CNTN5: variants seen among roughly 807,000 people sequenced by gnomAD.
CNTN5 encodes contactin 5.
A neutral mutation model predicts 129.1 loss-of-function variants in CNTN5; 77 were observed. The observed-to-expected ratio is 0.60, with a 90% confidence interval of 0.50 to 0.72. The LOEUF (loss-of-function observed/expected upper bound fraction) is 0.72, where lower values mean the gene tolerates loss of function less well. Ranked by LOEUF, CNTN5 falls within the 30% of genes least tolerant of loss-of-function variation. The pLI is 0.00. For synonymous variants in CNTN5, 509 were observed against 465.6 expected, an observed-to-expected ratio of 1.09 and a Z score of -1.20; for missense variants, 1,478 against 1,328.8, an observed-to-expected ratio of 1.11 and a Z score of -1.75.
At position 99,845,143 on chromosome 11, in the gene CNTN5, T is replaced by C. The variant is rs1485606879; in HGVS notation, c.458T>C (p.Ile153Thr). The change falls in exon 6 of 25, where the codon ATA becomes ACA. Residue 153 changes from isoleucine to threonine, a missense_variant. By Grantham distance (89) the Ile-to-Thr change is moderately conservative. Coordinates refer to ENST00000524871, the MANE Select transcript of CNTN5 (RefSeq NM_014361.4). ...DLESDYRYSLIDGTFIISNPS... is the reference protein window; with the variant it reads ...DLESDYRYSLTDGTFIISNPS... Reference sequence around the variant, plus strand: ...GAAAGTGATTATCGCTACAGTTTGATAGATGGCACCTTCATTATAAGCAAT... The same window carrying C: ...GAAAGTGATTATCGCTACAGTTTGACAGATGGCACCTTCATTATAAGCAAT... 9.3e-6 allele frequency: 15 copies of C among 1,613,816 alleles called. No individual in the cohort carries two copies. Among genetic ancestry groups the C allele is most frequent in the Admixed American group, 6.7e-5 (4 of 60,012 alleles).
intron 3 of CNTN5, among the ~76,000 whole-genome samples, chr11:99,809,745 G>C (rs192242854): frequency 6.6e-6 from 1 of 152,222 alleles, no homozygotes; most frequent in African/African-American, 2.4e-5. Context: ...AAAATTGGGA[G>C]GAAATACATT....
intron 1 of CNTN5, among the ~76,000 whole-genome samples, chr11:99,197,792 T>C (rs1241681726): frequency 6.6e-6 from 1 of 152,120 alleles, no homozygotes; most frequent in Non-Finnish European, 1.5e-5. Context: ...AACTATTGGA[T>C]AATATTAGGT....
chr11:99,599,976 C>G (rs1242777768), intron 3 of CNTN5, among the ~76,000 whole-genome samples: 2 of 152,024 alleles, frequency 1.3e-5, no homozygotes, highest in Non-Finnish European at 2.9e-5. Context: ...AAAAACCTTT[C>G]CTGATGACGG....
chr11:100,332,335 G>T (rs138506440), intron 21 of CNTN5, among the ~76,000 whole-genome samples: 1 of 151,728 alleles, frequency 6.6e-6, no homozygotes, highest in African/African-American at 2.4e-5. Flanking sequence ...GATTAAAATG[G>T]TTATTTAAAA....
At chr11:99,724,026 A>G (rs1022208624) in intron 3 of CNTN5, among the ~76,000 whole-genome samples, 2 of 152,244 alleles carry the variant, frequency 1.3e-5, no homozygotes, top group East Asian at 3.9e-4. Flanking sequence ...GTCTCAGAAT[A>G]TCTTCCCAGG....
chr11:99,387,974 C>T (rs1221201084), intron 2 of CNTN5, among the ~76,000 whole-genome samples: 1 of 152,028 alleles, frequency 6.6e-6, no homozygotes, highest in African/African-American at 2.4e-5. Flanking sequence ...TTTTTTAAGC[C>T]TCCAGTTGAT....
chr11:99,940,549 G>A (rs928705054), intron 7 of CNTN5, among the ~76,000 whole-genome samples: 4 of 152,022 alleles, frequency 2.6e-5, no homozygotes, highest in Non-Finnish European at 4.4e-5. Flanking sequence ...GTATTACAAC[G>A]ACATCAACAT....
chr11:99,436,076 A>G (rs1370562343), intron 2 of CNTN5, among the ~76,000 whole-genome samples: 2 of 152,136 alleles, frequency 1.3e-5, no homozygotes, highest in East Asian at 3.8e-4. Context: ...TCATATTACA[A>G]CGCTACCAAA....
chr11:99,853,519 C>T (rs539808827), intron 6 of CNTN5, among the ~76,000 whole-genome samples: 1 of 152,164 alleles, frequency 6.6e-6, no homozygotes, highest in African/African-American at 2.4e-5. Context: ...CCTGCCTCAG[C>T]CTCCTGAGTA....
intron 7 of CNTN5, among the ~76,000 whole-genome samples, chr11:99,953,522 A>G (rs748219266): frequency 6.6e-6 from 1 of 152,224 alleles, no homozygotes. Context: ...AACAAATAAG[A>G]ACTAAAATCC....
intron 23 of CNTN5, among the ~76,000 whole-genome samples, chr11:100,350,216 G>C (rs530893825): frequency 6.6e-6 from 1 of 151,838 alleles, no homozygotes; most frequent in African/African-American, 2.4e-5. Context: ...ATTTGAAGAT[G>C]AGCTTTCCAA....
At chr11:99,568,507 T>C (rs1204708178) in intron 3 of CNTN5, among the ~76,000 whole-genome samples, 1 of 152,200 alleles carries the variant, frequency 6.6e-6, no homozygotes, top group Non-Finnish European at 1.5e-5. Flanking sequence ...ATTTGAATAA[T>C]TTGTGAGCAA....
chr11:99,056,159 A>T lies in CNTN5; in HGVS notation c.-210+34889A>T, dbSNP rs11218242. Reference sequence around the variant, plus strand: ...ATTTTTTATATTATACTTTATTTCAAACTATAAACTTATTCACTGGTAAGC... The same window carrying T: ...ATTTTTTATATTATACTTTATTTCATACTATAAACTTATTCACTGGTAAGC... On this transcript the variant is annotated intron_variant, in intron 1 of 24. Coordinates refer to ENST00000524871, the MANE Select transcript of CNTN5 (RefSeq NM_014361.4). Among the ~76,000 whole-genome samples the T allele has an allele frequency of 0.014, 2,081 of 151,922 alleles. 156 individuals are homozygous for T. In the East Asian group the frequency reaches 0.23, roughly 17 times the overall value.
At chr11:99,834,690 C>T (rs549259956) in intron 4 of CNTN5, among the ~76,000 whole-genome samples, 184 of 152,254 alleles carry the variant, frequency 1.2e-3, no homozygotes, top group African/African-American at 3.8e-3. Context: ...TTGAGAACTG[C>T]TAGATGGATG....
At chr11:99,320,403 C>G (rs542612563) in intron 1 of CNTN5, among the ~76,000 whole-genome samples, 103 of 152,158 alleles carry the variant, frequency 6.8e-4, no homozygotes, top group African/African-American at 2.4e-3. Flanking sequence ...TTCCTAGTGT[C>G]AGTTTTACAC....
intron 7 of CNTN5, among the ~76,000 whole-genome samples, chr11:99,952,421 A>C (rs770851733): frequency 2.0e-5 from 3 of 152,236 alleles, no homozygotes; most frequent in Non-Finnish European, 2.9e-5. Flanking sequence ...GTAAATATTA[A>C]AATGCTCCTG....
intron 13 of CNTN5, among the ~76,000 whole-genome samples, chr11:100,139,279 G>A (rs533380000): frequency 4.6e-5 from 7 of 152,092 alleles, no homozygotes; most frequent in Admixed American, 2.0e-4. Context: ...GAAAGAAATT[G>A]TAGAAGTACC....
chr11:99,656,733 G>T (rs1952381189), intron 3 of CNTN5, among the ~76,000 whole-genome samples: 1 of 152,134 alleles, frequency 6.6e-6, no homozygotes, highest in Non-Finnish European at 1.5e-5. Flanking sequence ...CAACAAGGCT[G>T]CAAAACACCA....
chr11:99,986,545 C>G (rs1273594699), intron 8 of CNTN5, among the ~76,000 whole-genome samples: 14 of 152,130 alleles, frequency 9.2e-5, no homozygotes, highest in Admixed American at 5.2e-4. Flanking sequence ...ATTATTTACC[C>G]TCTCTTGCAA....
Sources: allele counts gnomAD v4.1 joint callset (sites outside exome capture counted in the v4.1 genomes callset), GRCh38; gene constraint gnomAD v4.1.1; transcripts MANE v1.5; gene names NCBI Gene and HGNC (gene_info 2026-07-23, HGNC 2026-07-21).